The following TUT7 variants were observed in gnomAD, a reference collection of about 807,000 sequenced individuals.
The protein encoded by TUT7 is terminal uridylyl transferase 7.
A neutral mutation model predicts 165.9 loss-of-function variants in TUT7; 33 were observed. That is an observed-to-expected ratio of 0.20 (90% CI 0.15 to 0.27). The LOEUF (loss-of-function observed/expected upper bound fraction) is 0.27. TUT7 is among the 10% of genes least tolerant of loss of function. The pLI, the probability that TUT7 is intolerant of heterozygous loss-of-function variation, is 1.00. For synonymous variants in TUT7, 552 were observed against 608.1 expected (o/e 0.91, Z 1.36); for missense variants, 1,338 against 1,762.3 (o/e 0.76, Z 4.31).
At chr9:86,298,598 G>A (rs1428729918) in intron 26 of TUT7, among the ~76,000 whole-genome samples, 1 of 152,092 alleles carries the variant, frequency 6.6e-6, no homozygotes, top group Non-Finnish European at 1.5e-5. Flanking sequence ...TTAGCTTTAG[G>A]AAATAAAGGT....
At position 86,317,270 on chromosome 9, in the gene TUT7, C is replaced by T. The variant is rs1828807928; in HGVS notation, c.3223G>A (p.Asp1075Asn). Reference protein sequence around the residue: ...INGLETAEGLDCVRTIEELAR... With the variant: ...INGLETAEGLNCVRTIEELAR... ...AATTCTTCAATAGTTCTGACACAGTCCAATCCCTACAACAAAGAAGGCATA... is the reference window on the plus strand; with the variant it reads ...AATTCTTCAATAGTTCTGACACAGTTCAATCCCTACAACAAAGAAGGCATA... Residue 1075 changes from aspartate (D) to asparagine (N), a missense_variant, in exon 17 of 27, where the codon GAC (aspartate) becomes AAC (asparagine). Transcript: ENST00000375963. The T allele has an allele frequency of 1.9e-6, 3 of 1,613,406 alleles. No individual in the cohort carries two copies. The highest frequency in any genetic ancestry group is 2.2e-5 in the South Asian group (2 of 91,004).
intron 26 of TUT7, among the ~76,000 whole-genome samples, chr9:86,289,641 C>T (rs958735596): frequency 1.3e-5 from 2 of 151,106 alleles, no homozygotes; most frequent in Non-Finnish European, 2.9e-5. Context: ...ACTTGTAAGT[C>T]ACCAGAGAAA....
At chr9:86,288,884 G>T in intron 26 of TUT7, 140 bp from the exon 27 acceptor site, 1 of 603,406 alleles carries the variant, frequency 1.7e-6, no homozygotes, top group Non-Finnish European at 2.9e-6. Context: ...CAAGTAATAA[G>T]ACTTGATATT....
intron 18 of TUT7, among the ~76,000 whole-genome samples, 175 bp from the exon 19 acceptor site, chr9:86,310,192 T>C (rs1827907238): frequency 6.6e-6 from 1 of 152,066 alleles, no homozygotes; most frequent in South Asian, 2.1e-4. Flanking sequence ...GTGCTGGGAT[T>C]ACAAGCATGA....
rs76238943 is a variant in TUT7 at position 86,351,477 on chromosome 9, G to A, written c.520+1203C>T. On this transcript the variant is annotated intron_variant, in intron 2 of 26. Coordinates refer to ENST00000375963, the MANE Select transcript of TUT7 (RefSeq NM_024617.4). Reference sequence around the variant, plus strand: ...TATAAATAAACAGATCTGACAACTAGAAGTATCTGTGAAAAAAGAAAAAAA... The same window carrying A: ...TATAAATAAACAGATCTGACAACTAAAAGTATCTGTGAAAAAAGAAAAAAA... Among the ~76,000 whole-genome samples the A allele has an allele frequency of 7.9e-3, 1,203 of 152,200 alleles. 20 individuals carry two copies. The highest frequency in any genetic ancestry group is 0.028 in the African/African-American group (1,159 of 41,516).
In TUT7 at chr9:86,308,519, C is replaced by T; in HGVS notation, c.3748G>A (p.Asp1250Asn). The T allele has an allele frequency of 6.2e-7, 1 of 1,614,028 alleles. No homozygotes were observed. Reference sequence around the variant, plus strand: ...ATGCTAATAACATGTTCTTTAAAATCAAATTCCTCTGTGTAGAAACGAAGA... The same window carrying T: ...ATGCTAATAACATGTTCTTTAAAATTAAATTCCTCTGTGTAGAAACGAAGA... ...GLLRFYTEEF[D>N]FKEHVISIRR... Residue 1250 changes from aspartate (D) to asparagine (N), a missense_variant, in exon 22 of 27, where the codon GAT (aspartate) becomes AAT (asparagine). Asp to Asn is a conservative substitution (Grantham distance 23, BLOSUM62 1). This residue lies in a region of TUT7 where 157 missense variants were observed against 357.5 expected (regional missense o/e 0.44). Transcript: ENST00000375963.
intron 9 of TUT7, among the ~76,000 whole-genome samples, chr9:86,338,221 T>C (rs1430223901): frequency 6.6e-6 from 1 of 150,886 alleles, no homozygotes; most frequent in African/African-American, 2.4e-5. Context: ...TTTTTTTTTT[T>C]TTTTTTTTGA....
intron 26 of TUT7, among the ~76,000 whole-genome samples, chr9:86,289,803 G>A (rs191189928): frequency 6.6e-6 from 1 of 151,918 alleles, no homozygotes; most frequent in Non-Finnish European, 1.5e-5. Context: ...ATTATTAGAA[G>A]GAAGAAGATC....
At chr9:86,318,851 T>G (rs1396047483) in intron 16 of TUT7, 107 bp downstream of exon 16, 1 of 776,710 alleles carries the variant, frequency 1.3e-6, no homozygotes, top group African/African-American at 1.7e-5. Context: ...CAGCACACTC[T>G]ATATGGTATG....
chr9:86,331,794 A>C (rs1228777406), intron 10 of TUT7, among the ~76,000 whole-genome samples: 1 of 152,214 alleles, frequency 6.6e-6, no homozygotes, highest in Non-Finnish European at 1.5e-5. Context: ...GAATTTTTGC[A>C]TAGCCCTATC....
In TUT7 at chr9:86,338,750, A is replaced by C; in HGVS notation, c.1335+73T>G. 5.0e-6 allele frequency: 7 copies of C among 1,392,136 alleles called. No individual in the cohort carries two copies. In the South Asian group the frequency reaches 1.1e-4, roughly 22 times the overall value. 86.2% of individuals were successfully genotyped at this position (1,392,136 alleles called of 1,614,324 possible). A position where few individuals can be genotyped will look rare whatever the true frequency, so the allele number is the denominator to read the frequency against. On this transcript the variant is annotated intron_variant, in intron 9 of 26. Coordinates refer to ENST00000375963, the MANE Select transcript of TUT7 (RefSeq NM_024617.4). ...ATTTGCATTTAAACACTGAAGATTA[A>C]ATTAAGTAAAAATCAAAGCATACTG...
In TUT7 at chr9:86,309,463, C is replaced by T. The variant is rs1827826239; in HGVS notation, c.3582G>A (p.Glu1194=). ...RNPPVIPVLQ[E]IYKGEKKPEI... ...GAAATACAATTTCATTCACTAATACCTCTTGAAGGACAGGAATGACTGGTG... is the reference window on the plus strand; with the variant it reads ...GAAATACAATTTCATTCACTAATACTTCTTGAAGGACAGGAATGACTGGTG... Residue 1194 remains glutamate (E), a splice_region_variant and synonymous_variant, in exon 20 of 27, where the codon GAG becomes GAA. Transcript: ENST00000375963. The T allele has an allele frequency of 6.2e-7, 1 of 1,606,522 alleles. No homozygotes were observed. The highest frequency in any genetic ancestry group is 1.3e-5 in the African/African-American group (1 of 74,438).
chr9:86,348,950 C>T (rs568245265), intron 2 of TUT7, among the ~76,000 whole-genome samples: 42 of 152,092 alleles, frequency 2.8e-4, no homozygotes, highest in African/African-American at 8.4e-4. Flanking sequence ...AAAATCTCAC[C>T]GGAGGGACTC....
chr9:86,346,370 T>C lies in TUT7; in HGVS notation c.631A>G (p.Thr211Ala), dbSNP rs573749109. The stretch of plus-strand genomic sequence containing the variant: ...TGCTGTAAGCCTAGCAGCTCCTTCG[T>C]TGAAAGTACAGACTCATCGATCACA... ...GPVIDESVLS[T>A]KELLGLQQAE... The change falls in exon 3 of 27, where the codon ACG becomes GCG. Residue 211 changes from threonine to alanine, a missense_variant. Transcript: ENST00000375963. 2 of 1,614,152 alleles carry C rather than the reference T, an allele frequency of 1.2e-6. No homozygotes were observed. The highest frequency in any genetic ancestry group is 1.7e-6 in the Non-Finnish European group (2 of 1,180,002).
intron 17 of TUT7, among the ~76,000 whole-genome samples, chr9:86,314,666 G>A (rs1217979206): frequency 1.3e-5 from 2 of 152,132 alleles, no homozygotes; most frequent in Non-Finnish European, 2.9e-5. Flanking sequence ...CTGAGGTCCT[G>A]CTGCCCTGTT....
chr9:86,319,762 T>G, intron 14 of TUT7, 92 bp from the exon 15 acceptor site: 1 of 828,402 alleles, frequency 1.2e-6, no homozygotes, highest in Non-Finnish European at 1.9e-6. Context: ...AAAATAAAAC[T>G]TACAAGCTTA....
At chr9:86,337,574 T>C (rs1382051998) in intron 9 of TUT7, 36 bp from the exon 10 acceptor site, 2 of 1,578,896 alleles carry the variant, frequency 1.3e-6, no homozygotes, top group Non-Finnish European at 1.7e-6. Flanking sequence ...AGCATTCTTT[T>C]TGTATGAATT....
chr9:86,314,309 A>G (rs1372370623), intron 17 of TUT7, among the ~76,000 whole-genome samples: 1 of 152,130 alleles, frequency 6.6e-6, no homozygotes, highest in Non-Finnish European at 1.5e-5. Flanking sequence ...ATATCTTCCC[A>G]GTTCCTTTTC....
At chr9:86,324,075 T>G (rs1004400098) in intron 12 of TUT7, 115 bp from the exon 13 acceptor site, 2 of 999,176 alleles carry the variant, frequency 2.0e-6, no homozygotes, top group African/African-American at 3.3e-5. Flanking sequence ...TGGTAAAATT[T>G]ATCTTGCATT....
Sources: allele counts gnomAD v4.1 joint callset (sites outside exome capture counted in the v4.1 genomes callset), GRCh38; gene constraint gnomAD v4.1.1; regional missense constraint gnomAD v4.1.1; transcripts MANE v1.5; gene names NCBI Gene and HGNC (gene_info 2026-07-23, HGNC 2026-07-21).